CRYBG1: variants seen among roughly 807,000 people sequenced by gnomAD.
CRYBG1 encodes beta/gamma crystallin domain-containing protein 1.
A neutral mutation model predicts 189.2 loss-of-function variants in CRYBG1; 139 were observed. That is an observed-to-expected ratio of 0.73 (90% CI 0.64 to 0.85). The LOEUF is 0.85. Ranked by LOEUF, CRYBG1 falls within the 40% of genes least tolerant of loss-of-function variation. The probability of loss-of-function intolerance (pLI) is 0.00; values close to 1 mark genes in which losing one functional copy is unlikely to be tolerated. For synonymous variants in CRYBG1, 1,023 were observed against 1,017.1 expected, an observed-to-expected ratio of 1.01 and a Z score of -0.11; for missense variants, 2,611 against 2,675.8, an observed-to-expected ratio of 0.98 and a Z score of 0.53.
chr6:106,475,031 C>A (rs1049024425), intron 2 of CRYBG1, among the ~76,000 whole-genome samples: 1 of 152,110 alleles, frequency 6.6e-6, no homozygotes, highest in Middle Eastern at 3.2e-3. Context: ...TTCTTTTAAC[C>A]TTTTGATAAA....
intron 1 of CRYBG1, among the ~76,000 whole-genome samples, chr6:106,389,609 T>C (rs1329155643): frequency 2.0e-5 from 3 of 152,080 alleles, no homozygotes; most frequent in Non-Finnish European, 4.4e-5. Flanking sequence ...TTTAGAAAAA[T>C]AGCAATTTTT....
At chr6:106,526,956 AAAAG>A (rs1773751768) in intron 6 of CRYBG1, among the ~76,000 whole-genome samples, 1 of 150,942 alleles carries the variant, frequency 6.6e-6, no homozygotes, top group Non-Finnish European at 1.5e-5. Context: ...AAAAAAAAAA[AAAAG>A]AGACAAAAAA....
chr6:106,524,829 G>A (rs968230400), intron 4 of CRYBG1, among the ~76,000 whole-genome samples: 4 of 152,172 alleles, frequency 2.6e-5, no homozygotes, highest in Non-Finnish European at 5.9e-5. Context: ...TCTTAGCTGA[G>A]TTCCTATTCT....
chr6:106,453,352 A>G (rs1771820839), intron 2 of CRYBG1, among the ~76,000 whole-genome samples: 1 of 152,234 alleles, frequency 6.6e-6, no homozygotes, highest in Admixed American at 6.5e-5. Context: ...AATATCAATA[A>G]GGGTACCAGA....
At position 106,544,797 on chromosome 6, in the gene CRYBG1, A is replaced by G. The variant is rs1173242378; in HGVS notation, c.5176A>G (p.Asn1726Asp). The G allele has an allele frequency of 1.2e-6, 2 of 1,601,524 alleles. No homozygotes were observed. The highest frequency in any genetic ancestry group is 2.2e-5 in the East Asian group (1 of 44,808). ...SLRPILGDFSNAHMIMYSEKN... is the reference protein window; with the variant it reads ...SLRPILGDFSDAHMIMYSEKN... Reference sequence around the variant, plus strand: ...TTTTTTTTCTCAATAGGATTTTTCAAATGCTCACATGATAATGTACAGTGA... The same window carrying G: ...TTTTTTTTCTCAATAGGATTTTTCAGATGCTCACATGATAATGTACAGTGA... Residue 1726 changes from asparagine (N) to aspartate (D), a missense_variant, in exon 13 of 22, where the codon AAT becomes GAT. Physicochemically the swap from Asn to Asp is conservative, Grantham distance 23. This residue lies in a region of CRYBG1 where 1,622 missense variants were observed against 1,735.0 expected (regional missense o/e 0.93). Coordinates refer to ENST00000633556, the MANE Select transcript of CRYBG1 (RefSeq NM_001371242.2).
chr6:106,440,881 A>C (rs1771554861), intron 1 of CRYBG1, among the ~76,000 whole-genome samples: 1 of 152,170 alleles, frequency 6.6e-6, no homozygotes, highest in Non-Finnish European at 1.5e-5. Flanking sequence ...AATAGACACT[A>C]TTTCTCACAC....
In CRYBG1 at chr6:106,519,798, T is replaced by C; in HGVS notation, c.2590T>C (p.Ser864Pro). 10 of 1,614,124 alleles carry C rather than the reference T, an allele frequency of 6.2e-6. No homozygotes were observed. Among genetic ancestry groups the C allele is most frequent in the Non-Finnish European group, 8.5e-6 (10 of 1,179,996 alleles). ...KPQHTFSDSQSPAESSPGPSL... is the reference protein window; with the variant it reads ...KPQHTFSDSQPPAESSPGPSL... ...ACAGCATACATTTTCTGACTCACAGTCCCCTGCTGAGTCATCTCCTGGGCC... is the reference window on the plus strand; with the variant it reads ...ACAGCATACATTTTCTGACTCACAGCCCCCTGCTGAGTCATCTCCTGGGCC... Residue 864 changes from serine (S) to proline (P), a missense_variant, in exon 4 of 22, where the codon TCC (serine) becomes CCC (proline). Ser to Pro is a moderately conservative substitution (Grantham distance 74). Transcript: ENST00000633556.
intron 2 of CRYBG1, among the ~76,000 whole-genome samples, chr6:106,492,806 T>G (rs992679698): frequency 1.3e-5 from 2 of 152,180 alleles, no homozygotes; most frequent in African/African-American, 4.8e-5. Flanking sequence ...AGACTTGTCC[T>G]TTAATCCCTG....
chr6:106,385,902 A>C (rs943393448), intron 1 of CRYBG1, among the ~76,000 whole-genome samples: 2 of 152,186 alleles, frequency 1.3e-5, no homozygotes, highest in Non-Finnish European at 2.9e-5. Context: ...GCCACTAAGA[A>C]TGATGCTCTC....
At chr6:106,464,261 A>C (rs562980449) in intron 2 of CRYBG1, among the ~76,000 whole-genome samples, 3 of 152,270 alleles carry the variant, frequency 2.0e-5, no homozygotes, top group African/African-American at 7.2e-5. Context: ...TTGGGAGGCC[A>C]AGGCGGGCGG....
rs571157679 is a variant in CRYBG1 at position 106,488,666 on chromosome 6, C to T, written c.313-22764C>T. 3.9e-4 allele frequency among the ~76,000 whole-genome samples: 59 copies of T among 152,270 alleles called. 1 individual carries two copies. The South Asian group carries it at 5.8e-3, about 15-fold the overall frequency. On this transcript the variant is annotated intron_variant, in intron 2 of 21. Transcript: ENST00000633556. ...AACTGTCAGGCAGGGGGGTGGGTGC[C>T]TGTGGGCCTGATATCTGCTCATGGA...
At chr6:106,513,852 CT>C (rs1247484541) in intron 3 of CRYBG1, among the ~76,000 whole-genome samples, 55 of 152,324 alleles carry the variant, frequency 3.6e-4, no homozygotes, top group African/African-American at 1.3e-3. Context: ...CACAAAACAA[CT>C]GTGACTACTT....
At chr6:106,433,899 C>T (rs1372888395) in intron 1 of CRYBG1, among the ~76,000 whole-genome samples, 1 of 151,480 alleles carries the variant, frequency 6.6e-6, no homozygotes. Context: ...AATTTAGTGT[C>T]TTGAAACAAC....
intron 2 of CRYBG1, among the ~76,000 whole-genome samples, chr6:106,492,737 T>C (rs1168826500): frequency 6.6e-6 from 1 of 152,212 alleles, no homozygotes; most frequent in East Asian, 1.9e-4. Context: ...CCTTGTATTG[T>C]CTTCACATAT....
chr6:106,512,207 G>A lies in CRYBG1; in HGVS notation c.1090G>A (p.Ala364Thr). 2 of 1,536,162 alleles carry A rather than the reference G, an allele frequency of 1.3e-6. No individual in the cohort carries two copies. Among genetic ancestry groups the A allele is most frequent in the Non-Finnish European group, 1.7e-6 (2 of 1,146,680 alleles). The change falls in exon 3 of 22, where the codon GCC becomes ACC. Residue 364 changes from alanine (A) to threonine (T), a missense_variant. Ala to Thr is a moderately conservative substitution (Grantham distance 58, BLOSUM62 0). This residue lies in a region of CRYBG1 where 985 missense variants were observed against 924.4 expected (regional missense o/e 1.07). Transcript: ENST00000633556. Reference sequence around the variant, plus strand: ...CAGCTCCGCGCAGGCAGACTGCACAGCCCGCCCCAAGGGTCACGCCCACCC... The same window carrying A: ...CAGCTCCGCGCAGGCAGACTGCACAACCCGCCCCAAGGGTCACGCCCACCC... ...TASSAQADCTARPKGHAHPAK... is the reference protein window; with the variant it reads ...TASSAQADCTTRPKGHAHPAK...
intron 2 of CRYBG1, among the ~76,000 whole-genome samples, chr6:106,505,903 T>A (rs1773122270): frequency 6.6e-6 from 1 of 152,076 alleles, no homozygotes; most frequent in Admixed American, 6.5e-5. Flanking sequence ...ATCAACAAAG[T>A]GAGAGCTCTT....
intron 6 of CRYBG1, 134 bp downstream of exon 6, chr6:106,525,520 G>C: frequency 1.4e-6 from 1 of 715,318 alleles, no homozygotes; most frequent in Admixed American, 2.2e-5. Context: ...CTCGTGGTAA[G>C]ATAAGGGATT....
At chr6:106,507,816 A>C (rs1459322186) in intron 2 of CRYBG1, among the ~76,000 whole-genome samples, 7 of 152,230 alleles carry the variant, frequency 4.6e-5, no homozygotes, top group African/African-American at 1.7e-4. Flanking sequence ...GGTATGGGGC[A>C]TTCTGAGCCC....
Position 106,520,737 on chromosome 6 carries a change from T to C in CRYBG1, c.3529T>C (p.Leu1177=), listed in dbSNP as rs769770576. ...SQPEMSPALH[L]MQNLDTKSKL... Reference sequence around the variant, plus strand: ...GCCAGAAATGTCACCGGCTTTACATTTGATGCAGAACCTTGACACAAAATC... The same window carrying C: ...GCCAGAAATGTCACCGGCTTTACATCTGATGCAGAACCTTGACACAAAATC... Residue 1177 remains leucine, a synonymous_variant, in exon 4 of 22, where the codon TTG becomes CTG. Transcript: ENST00000633556. 1.2e-6 allele frequency: 2 copies of C among 1,614,104 alleles called. No individual in the cohort carries two copies. The highest frequency in any genetic ancestry group is 1.7e-6 in the Non-Finnish European group (2 of 1,180,024).
Sources: gnomAD v4.1 joint callset for allele counts (sites outside exome capture counted in the v4.1 genomes callset) on GRCh38, gnomAD v4.1.1 for gene constraint, gnomAD v4.1.1 regional missense constraint, MANE v1.5 for transcripts, NCBI Gene and HGNC (gene_info 2026-07-23, HGNC 2026-07-21) for gene names.